The following FSTL4 variants were observed in gnomAD, a reference collection of about 807,000 sequenced individuals.
FSTL4 encodes follistatin-related protein 4.
A neutral mutation model predicts 78.2 loss-of-function variants in FSTL4; 28 were observed. The ratio of observed to expected loss-of-function variants is 0.36; its 90% CI spans 0.27 to 0.49. FSTL4 has a LOEUF of 0.49. Among genes scored for constraint, FSTL4 ranks in the 20% least tolerant of loss-of-function variants. The probability of loss-of-function intolerance (pLI) is 0.98; values close to 1 mark genes in which losing one functional copy is unlikely to be tolerated. For synonymous variants in FSTL4, 422 were observed against 440.5 expected (o/e 0.96, Z 0.53); for missense variants, 922 against 1,084.9 (o/e 0.85, Z 2.11).
intron 3 of FSTL4, among the ~76,000 whole-genome samples, chr5:133,495,417 A>G (rs1369369058): frequency 3.9e-5 from 6 of 152,248 alleles, no homozygotes; most frequent in African/African-American, 1.4e-4. Context: ...ATCATTCTCT[A>G]AAATTGGTTC....
the FSTL4 span, among the ~76,000 whole-genome samples, chr5:133,841,443 C>A: frequency 6.6e-6 from 1 of 152,222 alleles, no homozygotes; most frequent in Non-Finnish European, 1.5e-5. Flanking sequence ...CCTCCATATC[C>A]ACCAGGAGGT....
chr5:133,692,334 T>C, the FSTL4 span, among the ~76,000 whole-genome samples: 2 of 152,126 alleles, frequency 1.3e-5, no homozygotes, highest in Non-Finnish European at 2.9e-5. Context: ...GTTGGAGCCT[T>C]AGCGTGGGTT....
chr5:133,228,584 T>C (rs1363523267), intron 8 of FSTL4, among the ~76,000 whole-genome samples: 1 of 152,212 alleles, frequency 6.6e-6, no homozygotes, highest in Non-Finnish European at 1.5e-5. Flanking sequence ...AAGGGTAATA[T>C]GTTTCAATGG....
At chr5:133,312,184 A>G (rs1017406347) in intron 6 of FSTL4, among the ~76,000 whole-genome samples, 2 of 152,042 alleles carry the variant, frequency 1.3e-5, no homozygotes, top group Non-Finnish European at 2.9e-5. Flanking sequence ...CTCTCTTCAC[A>G]TTGGACCCTC....
At chr5:133,825,002 TG>T in the FSTL4 span, among the ~76,000 whole-genome samples, 1 of 152,134 alleles carries the variant, frequency 6.6e-6, no homozygotes, top group Non-Finnish European at 1.5e-5. Flanking sequence ...CTGGTGTCCC[TG>T]GAATCATTCA....
At chr5:133,226,172 C>T (rs1751326116) in intron 8 of FSTL4, among the ~76,000 whole-genome samples, 1 of 152,216 alleles carries the variant, frequency 6.6e-6, no homozygotes, top group Admixed American at 6.5e-5. Context: ...GATACATTCC[C>T]TTTCTGTTAT....
intron 3 of FSTL4, among the ~76,000 whole-genome samples, chr5:133,422,857 A>G (rs1353588488): frequency 6.6e-6 from 1 of 152,278 alleles, no homozygotes; most frequent in African/African-American, 2.4e-5. Context: ...TGGGTCATTC[A>G]GACCACTTCA....
rs565655807 is a variant in FSTL4, at chr5:133,447,736, C to T, written c.161-46750G>A. Among the ~76,000 whole-genome samples, 8 of 152,272 alleles carry T rather than the reference C, an allele frequency of 5.3e-5. No homozygotes were observed. The East Asian group carries it at 5.8e-4, about 11-fold the overall frequency. On this transcript the variant is annotated intron_variant, in intron 3 of 15. Coordinates refer to ENST00000265342, the MANE Select transcript of FSTL4 (RefSeq NM_015082.2). ...TGTATTTTTAGTAGAGACAGGGTTT[C>T]GCCATGTTGGCCAGGCTGGTCTTGA...
At chr5:133,813,289 T>C in the FSTL4 span, among the ~76,000 whole-genome samples, 1 of 152,256 alleles carries the variant, frequency 6.6e-6, no homozygotes, top group Admixed American at 6.5e-5. Context: ...ATCTGAAATA[T>C]TGCAATTTTT....
chr5:133,628,849 A>C, the FSTL4 span, among the ~76,000 whole-genome samples: 1 of 151,590 alleles, frequency 6.6e-6, no homozygotes, highest in African/African-American at 2.4e-5. Context: ...ACTTTGCTGA[A>C]GTTGCTTATC....
intron 3 of FSTL4, among the ~76,000 whole-genome samples, chr5:133,416,554 A>G (rs1173500580): frequency 6.6e-6 from 1 of 152,226 alleles, no homozygotes; most frequent in Non-Finnish European, 1.5e-5. Context: ...TTAATTTTAA[A>G]GAAAAACAGG....
chr5:133,270,180 A>C (rs1184205929), intron 6 of FSTL4: 1 of 152,206 alleles, frequency 6.6e-6, no homozygotes, highest in East Asian at 1.9e-4. Flanking sequence ...CCCAGGTAAG[A>C]GGTGCTAAAC....
chr5:133,468,632 C>T (rs1357380538), intron 3 of FSTL4, among the ~76,000 whole-genome samples: 3 of 152,170 alleles, frequency 2.0e-5, no homozygotes, highest in African/African-American at 4.8e-5. Context: ...CCATTCAGGC[C>T]GCAGGTCAGC....
chr5:133,214,885 T>A (rs1265130384), intron 13 of FSTL4, among the ~76,000 whole-genome samples: 1 of 152,226 alleles, frequency 6.6e-6, no homozygotes, highest in Non-Finnish European at 1.5e-5. Context: ...TTTAAAAAGT[T>A]CTTTTGTCAT....
the FSTL4 span, among the ~76,000 whole-genome samples, chr5:133,762,812 C>T: frequency 2.0e-5 from 3 of 151,924 alleles, no homozygotes; most frequent in East Asian, 5.8e-4. Flanking sequence ...ACCATCTCTC[C>T]CTCTCTCTCT....
At chr5:133,729,099 G>A in the FSTL4 span, among the ~76,000 whole-genome samples, 5 of 152,110 alleles carry the variant, frequency 3.3e-5, no homozygotes, top group Non-Finnish European at 5.9e-5. Context: ...AACAATTTCT[G>A]GAATTAGGTG....
chr5:133,598,842 T>C (rs168881), intron 2 of FSTL4, among the ~76,000 whole-genome samples: 134,390 of 152,288 alleles, frequency 0.88, 59,346 homozygotes, highest in East Asian at 0.97. Context: ...AAGGGTGATG[T>C]GGCAGAAAAG....
intron 3 of FSTL4, among the ~76,000 whole-genome samples, chr5:133,513,764 G>A (rs1247677052): frequency 6.6e-6 from 1 of 152,160 alleles, no homozygotes; most frequent in East Asian, 1.9e-4. Context: ...GGATAGAGGT[G>A]GGAGTAGAAT....
At chr5:133,552,379 A>G (rs138969618) in intron 3 of FSTL4, among the ~76,000 whole-genome samples, 43 of 152,252 alleles carry the variant, frequency 2.8e-4, no homozygotes, top group Non-Finnish European at 5.4e-4. Flanking sequence ...AGTGGTGAGG[A>G]CTGTGGAAAA....
Sources: allele counts gnomAD v4.1 joint callset (sites outside exome capture counted in the v4.1 genomes callset), GRCh38; gene constraint gnomAD v4.1.1; transcripts MANE v1.5; gene names NCBI Gene and HGNC (gene_info 2026-07-23, HGNC 2026-07-21).